Variants in EIF4G2 observed in about 807,000 individuals in gnomAD.
The protein encoded by EIF4G2 is DAP-5.
Under a neutral mutation model 117.7 loss-of-function variants are expected in EIF4G2, and 8 were observed. That is an observed-to-expected ratio of 0.07 (90% CI 0.04 to 0.12). The LOEUF (loss-of-function observed/expected upper bound fraction) is 0.12, where lower values mean the gene tolerates loss of function less well. Among genes scored for constraint, EIF4G2 ranks in the 10% least tolerant of loss-of-function variants. The probability of loss-of-function intolerance (pLI) is 1.00; values close to 1 mark genes in which losing one functional copy is unlikely to be tolerated. For missense variants in EIF4G2, 812 were observed against 1,086.2 expected, an observed-to-expected ratio of 0.75 and a Z score of 3.55; for synonymous variants, 413 against 367.8, an observed-to-expected ratio of 1.12 and a Z score of -1.41.
At chr11:10,801,838 T>A in intron 13 of EIF4G2, 64 bp from the exon 14 acceptor site, 2 of 1,484,250 alleles carry the variant, frequency 1.3e-6, no homozygotes, top group Non-Finnish European at 1.9e-6. Context: ...GGTAATCAAG[T>A]ACCAAAGGGA....
chr11:10,800,400 GT>G (rs1564981166), intron 17 of EIF4G2, 31 bp downstream of exon 17: 1 of 1,613,170 alleles, frequency 6.2e-7, no homozygotes, highest in Non-Finnish European at 8.5e-7. Flanking sequence ...AGTGGTAAGA[GT>G]TCTTACCACA....
At chr11:10,807,760 G>C in intron 1 of EIF4G2, 1 of 990,964 alleles carries the variant, frequency 1.0e-6, no homozygotes, top group Non-Finnish European at 1.2e-6. Flanking sequence ...CGAGGCCAGC[G>C]ACTAGATGAG....
intron 1 of EIF4G2, chr11:10,807,986 G>C (rs1035343532): frequency 1.5e-5 from 16 of 1,038,938 alleles, no homozygotes; most frequent in African/African-American, 3.5e-5. Flanking sequence ...CCAGGCGCAA[G>C]TTAGGGAAGT....
rs1304026445 is a variant in EIF4G2, at chr11:10,801,057, T to C, written c.1444A>G (p.Met482Val). Residue 482 changes from methionine to valine, a missense_variant, in exon 15 of 22, where the codon ATG becomes GTG. This residue lies in a region of EIF4G2 where 571 missense variants were observed against 642.3 expected (regional missense o/e 0.89). Coordinates refer to ENST00000339995, the MANE Select transcript of EIF4G2 (RefSeq NM_001418.4). ...AGCTTTGGCACTTGATTTTTATTCA[T>C]TAGGAACGACTGAGCAGGCCTCAGG... The C allele has an allele frequency of 1.2e-6, 2 of 1,613,988 alleles. No homozygotes were observed. Among genetic ancestry groups the C allele is most frequent in the African/African-American group, 2.7e-5 (2 of 74,910 alleles).
At chr11:10,807,061 C>T (rs898086110) in intron 2 of EIF4G2, 176 bp from the exon 3 acceptor site, 1 of 1,137,638 alleles carries the variant, frequency 8.8e-7, no homozygotes, top group African/African-American at 1.6e-5. Context: ...GAAGACTGAA[C>T]TCGGACCCAA....
At chr11:10,800,866 A>T in intron 15 of EIF4G2, 31 bp from the exon 16 acceptor site, 2 of 1,612,058 alleles carry the variant, frequency 1.2e-6, no homozygotes, top group African/African-American at 1.3e-5. Context: ...GACTTTTTTT[A>T]AAAAGAGGAC....
chr11:10,803,158 A>G lies in EIF4G2; in HGVS notation c.898-30T>C. The G allele has an allele frequency of 6.2e-7, 1 of 1,603,706 alleles. No individual in the cohort carries two copies. The highest frequency in any genetic ancestry group is 1.1e-5 in the South Asian group (1 of 88,626). On this transcript the variant is annotated intron_variant, in intron 10 of 21. Coordinates refer to ENST00000339995, the MANE Select transcript of EIF4G2 (RefSeq NM_001418.4). The surrounding 1 kb of genome is among the most constrained non-coding windows in gnomAD (Gnocchi z 4.0). ...AATTGAAAAATAATTTTATTTTAAT[A>G]TTCCTAAACCAAAAACTCAGCTTAC... is the stretch of plus-strand genomic sequence containing the variant.
Position 10,803,248 on chromosome 11 carries a change from C to G in EIF4G2, c.860G>C (p.Ser287Thr), listed in dbSNP as rs1847476933. 6.2e-7 allele frequency: 1 copy of G among 1,613,906 alleles called. No homozygotes were observed. The change falls in exon 10 of 22, where the codon AGT (serine) becomes ACT (threonine). Residue 287 changes from serine to threonine, a missense_variant. Transcript: ENST00000339995. The surrounding 1 kb of genome is among the most constrained non-coding windows in gnomAD (Gnocchi z 4.0). ...ACGAATCCTTGCTGGCAATTCCTTA[C>G]TTAACATCAAGGAGCACATTCGGGC... is the stretch of plus-strand genomic sequence containing the variant.
At position 10,803,599 on chromosome 11, in the gene EIF4G2, A is replaced by G; in HGVS notation, c.703-9T>C. 2 of 1,608,844 alleles carry G rather than the reference A, an allele frequency of 1.2e-6. No homozygotes were observed. The highest frequency in any genetic ancestry group is 8.5e-7 in the Non-Finnish European group (1 of 1,176,262). On this transcript the variant is annotated splice_polypyrimidine_tract_variant and intron_variant, in intron 8 of 21. Transcript: ENST00000339995. The surrounding 1 kb of genome is among the most constrained non-coding windows in gnomAD (Gnocchi z 4.0). ...TTCTTCTTTTCCAAAAGCTACAAGA[A>G]TAAAAGGCCATGGTGACAAAGTTTT...
chr11:10,800,865 T>A lies in EIF4G2; in HGVS notation c.1540-30A>T, dbSNP rs538350170. On this transcript the variant is annotated intron_variant, in intron 15 of 21. Coordinates refer to ENST00000339995, the MANE Select transcript of EIF4G2 (RefSeq NM_001418.4). ...AAAACAAGCAATGACAGACTTTTTTTAAAAAGAGGACTATGAAATTAGGGG... is the reference window on the plus strand; with the variant it reads ...AAAACAAGCAATGACAGACTTTTTTAAAAAAGAGGACTATGAAATTAGGGG... 47 of 1,612,192 alleles carry A rather than the reference T, an allele frequency of 2.9e-5. No individual in the cohort carries two copies. The East Asian group carries it at 6.2e-4, about 21-fold the overall frequency.
intron 21 of EIF4G2, among the ~76,000 whole-genome samples, chr11:10,798,294 A>C (rs1386400657): frequency 6.6e-6 from 1 of 152,254 alleles, no homozygotes; most frequent in Admixed American, 6.5e-5. Context: ...GAATGCCCTG[A>C]TGTTCTTCCC....
chr11:10,799,893 G>GA (rs1193159911), intron 18 of EIF4G2, 137 bp from the exon 19 acceptor site: 7 of 1,208,802 alleles, frequency 5.8e-6, no homozygotes, highest in East Asian at 4.9e-5. Context: ...CCCAGCAAAT[G>GA]AAAAAAACTC....
In EIF4G2 at chr11:10,800,460, C is replaced by G; in HGVS notation, c.1832G>C (p.Gly611Ala). Reference sequence around the variant, plus strand: ...CATGAAGTTGTCACTTGTGGCTATCCCTTCCTGTTTGAGTAAACTGATCAA... The same window carrying G: ...CATGAAGTTGTCACTTGTGGCTATCGCTTCCTGTTTGAGTAAACTGATCAA... Residue 611 changes from glycine to alanine, a missense_variant, in exon 17 of 22, where the codon GGG becomes GCG. Around this residue, in one of 4 missense-constraint regions of EIF4G2, gnomAD observed 571 missense variants for 642.3 expected, o/e 0.89. Coordinates refer to ENST00000339995, the MANE Select transcript of EIF4G2 (RefSeq NM_001418.4). 1 of 1,614,142 alleles carries G rather than the reference C, an allele frequency of 6.2e-7. No individual in the cohort carries two copies. Among genetic ancestry groups the G allele is most frequent in the Non-Finnish European group, 8.5e-7 (1 of 1,180,006 alleles).
rs1847603682 is a variant in EIF4G2 at position 10,807,241 on chromosome 11, A to C, written c.41+14T>G. On this transcript the variant is annotated intron_variant, in intron 2 of 21. Coordinates refer to ENST00000339995, the MANE Select transcript of EIF4G2 (RefSeq NM_001418.4). ...CCTTTTCAAAAGGATTCCCCAAAAT[A>C]AATCTACAAGTACCTGAAACGAGAA... is the stretch of plus-strand genomic sequence containing the variant. 4 of 1,604,232 alleles carry C rather than the reference A, an allele frequency of 2.5e-6. No individual in the cohort carries two copies. The highest frequency in any genetic ancestry group is 3.4e-6 in the Non-Finnish European group (4 of 1,177,052).
In EIF4G2 at chr11:10,797,198, A is replaced by G. The variant is rs1269878139; in HGVS notation, c.*618T>C. ...CACCATTTGTTTCACACCCACAAAA[A>G]CCACTTCAAGGGCATTAACGATCTC... On this transcript the variant is annotated 3_prime_UTR_variant, in exon 22 of 22. Transcript: ENST00000339995. This position sits in a 1 kb window ranked among gnomAD's most constrained non-coding sequence, Gnocchi z 4.5. 1 of 152,616 alleles carries G rather than the reference A, an allele frequency of 6.6e-6. No homozygotes were observed. The highest frequency in any genetic ancestry group is 2.4e-5 in the African/African-American group (1 of 41,406). 9.5% of individuals were successfully genotyped at this position (152,616 alleles called of 1,614,324 possible).
intron 2 of EIF4G2, 169 bp from the exon 3 acceptor site, chr11:10,807,054 G>T: frequency 9.0e-7 from 1 of 1,115,554 alleles, no homozygotes; most frequent in Non-Finnish European, 1.3e-6. Flanking sequence ...TACAAATGAA[G>T]ACTGAACTCG....
intron 20 of EIF4G2, 34 bp downstream of exon 20, chr11:10,799,179 C>T (rs776077517): frequency 2.5e-6 from 4 of 1,611,966 alleles, no homozygotes; most frequent in Middle Eastern, 1.6e-4. Flanking sequence ...TTAAGAACTT[C>T]CTCACGCCGT....
In EIF4G2 at chr11:10,803,404, C is replaced by T. The variant is rs1847480659; in HGVS notation, c.813+76G>A. ...AGTTAATGGCTAAATATGGCAATCCCTTATGATGTCACAAAAATCAATAGC... is the reference window on the plus strand; with the variant it reads ...AGTTAATGGCTAAATATGGCAATCCTTTATGATGTCACAAAAATCAATAGC... On this transcript the variant is annotated intron_variant, in intron 9 of 21. Transcript: ENST00000339995. The surrounding 1 kb of genome is among the most constrained non-coding windows in gnomAD (Gnocchi z 4.0). 1 of 1,561,230 alleles carries T rather than the reference C, an allele frequency of 6.4e-7. No homozygotes were observed.
chr11:10,803,307 G>T lies in EIF4G2; in HGVS notation c.814-13C>A. ...GATCCATTAAGGACTGATAAGAGAA[G>T]AATACATTCATTGGAAGAGCTAAAG... is the stretch of plus-strand genomic sequence containing the variant. On this transcript the variant is annotated splice_polypyrimidine_tract_variant and intron_variant, in intron 9 of 21. Transcript: ENST00000339995. This position sits in a 1 kb window ranked among gnomAD's most constrained non-coding sequence, Gnocchi z 4.0. 1 of 1,610,878 alleles carries T rather than the reference G, an allele frequency of 6.2e-7. No homozygotes were observed. The highest frequency in any genetic ancestry group is 2.2e-5 in the East Asian group (1 of 44,866).
Sources: gnomAD v4.1 joint callset for allele counts (sites outside exome capture counted in the v4.1 genomes callset) on GRCh38, gnomAD v4.1.1 for gene constraint, gnomAD v4.1.1 regional missense constraint, Gnocchi (gnomAD v3.1) non-coding constraint, MANE v1.5 for transcripts, NCBI Gene and HGNC (gene_info 2026-07-23, HGNC 2026-07-21) for gene names.